CCSER1: variants seen among roughly 807,000 people sequenced by gnomAD.
The protein encoded by CCSER1 is coiled-coil serine rich protein 1.
A neutral mutation model predicts 82.0 loss-of-function variants in CCSER1; 41 were observed. The observed-to-expected ratio is 0.50, with a 90% CI of 0.39 to 0.65. CCSER1 has a LOEUF of 0.65. Among genes scored for constraint, CCSER1 ranks in the 30% least tolerant of loss-of-function variants. CCSER1 has a pLI of 0.00. For synonymous variants in CCSER1, 414 were observed against 383.9 expected, an observed-to-expected ratio of 1.08 and a Z score of -0.92; for missense variants, 1,119 against 1,064.2, an observed-to-expected ratio of 1.05 and a Z score of -0.72.
chr4:90,277,576 G>A (rs1728064862), intron 1 of CCSER1, among the ~76,000 whole-genome samples: 1 of 151,962 alleles, frequency 6.6e-6, no homozygotes, highest in Non-Finnish European at 1.5e-5. Flanking sequence ...TAAGCAATGA[G>A]GAAAAGACTT....
intron 10 of CCSER1, among the ~76,000 whole-genome samples, chr4:91,538,294 T>G (rs183506571): frequency 6.6e-6 from 1 of 152,038 alleles, no homozygotes; most frequent in Admixed American, 6.6e-5. Flanking sequence ...GCAAATGTTC[T>G]TCTCAGCTTT....
intron 10 of CCSER1, among the ~76,000 whole-genome samples, chr4:91,249,055 C>T (rs1026372523): frequency 1.3e-5 from 2 of 152,056 alleles, no homozygotes; most frequent in African/African-American, 4.8e-5. Context: ...ATTTTAAAAG[C>T]TGGGTTGAAT....
chr4:91,313,774 C>T (rs1745648269), intron 10 of CCSER1, among the ~76,000 whole-genome samples: 1 of 151,886 alleles, frequency 6.6e-6, no homozygotes, highest in Non-Finnish European at 1.5e-5. Flanking sequence ...GTCCAAGCCC[C>T]CTGACCTATG....
At chr4:91,171,786 G>C (rs184865617) in intron 10 of CCSER1, among the ~76,000 whole-genome samples, 1 of 151,932 alleles carries the variant, frequency 6.6e-6, no homozygotes, top group African/African-American at 2.4e-5. Context: ...AAATAATCTA[G>C]TATACATAAT....
intron 7 of CCSER1, among the ~76,000 whole-genome samples, chr4:90,734,361 G>C (rs1381183341): frequency 6.6e-6 from 1 of 152,034 alleles, no homozygotes. Flanking sequence ...TCCTGACCTC[G>C]TGATCTGCCC....
chr4:90,932,869 G>T (rs1467952159), intron 9 of CCSER1, among the ~76,000 whole-genome samples: 1 of 92,678 alleles, frequency 1.1e-5, no homozygotes, highest in East Asian at 2.5e-4. Flanking sequence ...TCCGTCTCAA[G>T]AAAGGAAGGA....
intron 10 of CCSER1, among the ~76,000 whole-genome samples, chr4:91,320,089 C>A (rs1343421542): frequency 6.6e-6 from 1 of 152,006 alleles, no homozygotes; most frequent in Admixed American, 6.6e-5. Context: ...GTTATCAGAT[C>A]AGCTGTCTCT....
rs777629017 is a variant in CCSER1 at position 90,574,251 on chromosome 4, A to ATTTTTTTTTTTT, written c.1725-53757_1725-53746dup. Among the ~76,000 whole-genome samples the ATTTTTTTTTTTT allele has an allele frequency of 1.1e-3, 95 of 86,070 alleles. 10 individuals carry two copies. Among genetic ancestry groups the ATTTTTTTTTTTT allele is most frequent in the African/African-American group, 5.7e-3 (93 of 16,454 alleles). 56.5% of individuals were successfully genotyped at this position (86,070 alleles called of 152,430 possible). On this transcript the variant is annotated intron_variant, in intron 5 of 10. Transcript: ENST00000509176. ...CCATATAGCTTGTAGAAACACATTA[A>ATTTTTTTTTTTT]TTTTTTTTTTTTTTTTTTTTTTTTT...
intron 9 of CCSER1, among the ~76,000 whole-genome samples, chr4:90,953,955 A>C (rs1733171691): frequency 6.6e-6 from 1 of 152,020 alleles, no homozygotes; most frequent in Non-Finnish European, 1.5e-5. Flanking sequence ...AAAGAGGTTC[A>C]TAAATTTTTC....
intron 6 of CCSER1, among the ~76,000 whole-genome samples, chr4:90,705,335 C>G (rs1434773517): frequency 1.3e-5 from 2 of 152,212 alleles, no homozygotes; most frequent in Non-Finnish European, 2.9e-5. Flanking sequence ...CCTGTGGAAG[C>G]TTCATCTCAG....
At chr4:91,083,355 G>T (rs558510920) in intron 9 of CCSER1, among the ~76,000 whole-genome samples, 2 of 151,988 alleles carry the variant, frequency 1.3e-5, no homozygotes, top group South Asian at 4.2e-4. Context: ...GGTGGGAATT[G>T]AACAATAAGA....
chr4:91,322,632 A>G, intron 10 of CCSER1, among the ~76,000 whole-genome samples: 1 of 77,092 alleles, frequency 1.3e-5, no homozygotes, highest in East Asian at 3.6e-4. Flanking sequence ...CATTATATTA[A>G]TTAAATTAAG....
intron 9 of CCSER1, among the ~76,000 whole-genome samples, chr4:91,016,973 G>A (rs1202759572): frequency 6.6e-6 from 1 of 152,040 alleles, no homozygotes. Flanking sequence ...TAGAATACAG[G>A]AAGGAATAAA....
intron 3 of CCSER1, among the ~76,000 whole-genome samples, chr4:90,382,428 A>C (rs1367205186): frequency 6.6e-6 from 1 of 152,080 alleles, no homozygotes; most frequent in African/African-American, 2.4e-5. Flanking sequence ...GTAGGTACTT[A>C]AGCACTAAAG....
chr4:90,963,554 C>T (rs896814385), intron 9 of CCSER1, among the ~76,000 whole-genome samples: 1 of 151,788 alleles, frequency 6.6e-6, no homozygotes, highest in Non-Finnish European at 1.5e-5. Context: ...TGAAAGTACA[C>T]CCTAATCCAA....
At chr4:90,190,777 T>C (rs1414014123) in intron 1 of CCSER1, among the ~76,000 whole-genome samples, 2 of 152,188 alleles carry the variant, frequency 1.3e-5, no homozygotes, top group Non-Finnish European at 2.9e-5. Context: ...GGAACACTTC[T>C]TTGGGCAAGA....
chr4:91,254,267 A>G (rs1368016051), intron 10 of CCSER1, among the ~76,000 whole-genome samples: 1 of 152,168 alleles, frequency 6.6e-6, no homozygotes, highest in East Asian at 1.9e-4. Flanking sequence ...ATTCTTCTCA[A>G]TTGCACATGG....
At chr4:90,249,328 A>T (rs1205679065) in intron 1 of CCSER1, among the ~76,000 whole-genome samples, 4 of 152,196 alleles carry the variant, frequency 2.6e-5, no homozygotes, top group African/African-American at 9.6e-5. Context: ...TTGCTTATTA[A>T]TAGTTTTATC....
At chr4:91,319,102 G>T in intron 10 of CCSER1, 2 of 285,306 alleles carry the variant, frequency 7.0e-6, no homozygotes, top group Non-Finnish European at 1.4e-5. Context: ...TGGTAATTAA[G>T]ACAGACGGTA....
Sources: allele counts gnomAD v4.1 joint callset (sites outside exome capture counted in the v4.1 genomes callset), GRCh38; gene constraint gnomAD v4.1.1; transcripts MANE v1.5; gene names NCBI Gene and HGNC (gene_info 2026-07-23, HGNC 2026-07-21).